OXR1: variants seen among roughly 807,000 people sequenced by gnomAD.
OXR1 encodes oxidation resistance protein 1.
A neutral mutation model predicts 104.6 loss-of-function variants in OXR1; 41 were observed. The observed-to-expected ratio is 0.39, with a 90% CI of 0.31 to 0.51. The LOEUF is 0.51. Ranked by LOEUF, OXR1 falls within the 20% of genes least tolerant of loss-of-function variation. The pLI is 0.77. For synonymous variants in OXR1, 348 were observed against 348.4 expected, an observed-to-expected ratio of 1.00 and a Z score of 0.01; for missense variants, 955 against 1,031.9, an observed-to-expected ratio of 0.93 and a Z score of 1.02.
chr8:106,333,856 A>G (rs1205601122), intron 1 of OXR1, among the ~76,000 whole-genome samples: 1 of 152,072 alleles, frequency 6.6e-6, no homozygotes, highest in Non-Finnish European at 1.5e-5. Flanking sequence ...TGTTTTTATT[A>G]TTGTAACTTT....
intron 3 of OXR1, among the ~76,000 whole-genome samples, chr8:106,561,285 TGG>T (rs968282455): frequency 9.2e-4 from 140 of 151,934 alleles, no homozygotes; most frequent in African/African-American, 3.3e-3. Flanking sequence ...TGGAGCTTGG[TGG>T]GGGGAGGGGC....
At chr8:106,592,701 T>C (rs1819192191) in intron 3 of OXR1, among the ~76,000 whole-genome samples, 1 of 152,044 alleles carries the variant, frequency 6.6e-6, no homozygotes, top group South Asian at 2.1e-4. Context: ...TCCCATATGA[T>C]TGTACTAAAG....
chr8:106,467,775 A>T (rs531790945), intron 2 of OXR1, among the ~76,000 whole-genome samples: 1 of 152,012 alleles, frequency 6.6e-6, no homozygotes, highest in Admixed American at 6.6e-5. Flanking sequence ...ATCTCTCCCC[A>T]CTGGATTCTT....
At chr8:106,533,800 C>T (rs1489073732) in intron 3 of OXR1, among the ~76,000 whole-genome samples, 3 of 150,900 alleles carry the variant, frequency 2.0e-5, no homozygotes, top group African/African-American at 7.3e-5. Flanking sequence ...CCACAAACCT[C>T]TGCCCTCTGG....
intron 3 of OXR1, among the ~76,000 whole-genome samples, chr8:106,612,676 G>A (rs138865819): frequency 4.3e-4 from 66 of 152,200 alleles, no homozygotes; most frequent in African/African-American, 1.6e-3. Context: ...TATTTTGACA[G>A]AGCAGGCAAA....
chr8:106,567,214 G>T (rs930518445), intron 3 of OXR1, among the ~76,000 whole-genome samples: 8 of 152,056 alleles, frequency 5.3e-5, no homozygotes, highest in Non-Finnish European at 1.0e-4. Flanking sequence ...GAGAAGAGAA[G>T]AACTTTTTCT....
At chr8:106,434,499 C>G (rs1382161533) in intron 2 of OXR1, among the ~76,000 whole-genome samples, 1 of 152,110 alleles carries the variant, frequency 6.6e-6, no homozygotes, top group Non-Finnish European at 1.5e-5. Flanking sequence ...TCTGAAGAAG[C>G]ATACTTTATG....
chr8:106,621,474 A>T (rs752911727), intron 3 of OXR1, among the ~76,000 whole-genome samples: 1 of 151,856 alleles, frequency 6.6e-6, no homozygotes, highest in Non-Finnish European at 1.5e-5. Flanking sequence ...AACAAAAATG[A>T]ATTGTATTGG....
intron 2 of OXR1, among the ~76,000 whole-genome samples, chr8:106,397,797 C>A (rs1225107869): frequency 6.6e-6 from 1 of 152,156 alleles, no homozygotes; most frequent in South Asian, 2.1e-4. Flanking sequence ...TTGTACCTTG[C>A]ATTAGTTTTT....
intron 16 of OXR1, among the ~76,000 whole-genome samples, chr8:106,748,554 C>CTTTTT (rs71307088): frequency 4.1e-5 from 2 of 48,922 alleles, no homozygotes; most frequent in Non-Finnish European, 3.4e-5. Context: ...AGTACCAACT[C>CTTTTT]TTTTTTTTTT....
chr8:106,433,271 A>G (rs2123542), intron 2 of OXR1, among the ~76,000 whole-genome samples: 34,337 of 151,960 alleles, frequency 0.23, 5,392 homozygotes, highest in African/African-American at 0.42. Flanking sequence ...GGCAGAACTG[A>G]TTGGGCCAGA....
intron 3 of OXR1, among the ~76,000 whole-genome samples, chr8:106,580,766 C>CA (rs1818170046): frequency 6.6e-6 from 1 of 151,646 alleles, no homozygotes; most frequent in South Asian, 2.1e-4. Flanking sequence ...ATATCTTTTT[C>CA]TTTTTTTAAT....
chr8:106,295,897 C>A (rs981822019), intron 1 of OXR1, among the ~76,000 whole-genome samples: 7 of 152,150 alleles, frequency 4.6e-5, no homozygotes, highest in African/African-American at 1.4e-4. Context: ...AAGGATAATG[C>A]AAACTGAACC....
intron 1 of OXR1, among the ~76,000 whole-genome samples, chr8:106,282,048 T>G (rs1315201640): frequency 6.6e-6 from 1 of 152,158 alleles, no homozygotes; most frequent in Non-Finnish European, 1.5e-5. Context: ...TACCCCAAAC[T>G]TATGTCAAGT....
At chr8:106,356,835 T>C (rs887030546) in intron 1 of OXR1, among the ~76,000 whole-genome samples, 8 of 152,060 alleles carry the variant, frequency 5.3e-5, no homozygotes, top group Non-Finnish European at 1.0e-4. Context: ...GAAAGAAGTG[T>C]AGTAAGTTGC....
rs1030093027 is a variant in OXR1 at position 106,751,617 on chromosome 8, A to C, written c.*676A>C. 9 of 152,554 alleles carry C rather than the reference A, an allele frequency of 5.9e-5. No homozygotes were observed. Among genetic ancestry groups the C allele is most frequent in the African/African-American group, 1.9e-4 (8 of 41,440 alleles). 9.5% of individuals were successfully genotyped at this position (152,554 alleles called of 1,614,324 possible). A position where few individuals can be genotyped will look rare whatever the true frequency, so the allele number is the denominator to read the frequency against. ...GTTTGGGCATATGCTTTCATCATTA[A>C]ATTATCTGATAAAGTTACAAGTCAC... On this transcript the variant is annotated 3_prime_UTR_variant, in exon 17 of 17. Transcript: ENST00000517566.
At chr8:106,564,345 A>G (rs557326093) in intron 3 of OXR1, among the ~76,000 whole-genome samples, 116 of 152,292 alleles carry the variant, frequency 7.6e-4, no homozygotes, top group Non-Finnish European at 1.3e-3. Context: ...ATCAGAGAAT[A>G]CTATAAACAC....
At chr8:106,635,978 T>C (rs868279345) in intron 3 of OXR1, among the ~76,000 whole-genome samples, 7 of 152,204 alleles carry the variant, frequency 4.6e-5, no homozygotes, top group Admixed American at 6.5e-5. Context: ...GTGAATACTT[T>C]GGGCCATTTG....
At chr8:106,532,841 G>A (rs906253177) in intron 3 of OXR1, among the ~76,000 whole-genome samples, 19 of 152,306 alleles carry the variant, frequency 1.2e-4, no homozygotes, top group African/African-American at 4.3e-4. Context: ...CAATAAATGA[G>A]TGTTGAAGCT....
Sources: gnomAD v4.1 joint callset for allele counts (sites outside exome capture counted in the v4.1 genomes callset) on GRCh38, gnomAD v4.1.1 for gene constraint, MANE v1.5 for transcripts, NCBI Gene and HGNC (gene_info 2026-07-23, HGNC 2026-07-21) for gene names.